Variants in RYR3 observed in about 807,000 individuals in gnomAD.
The protein encoded by RYR3 is ryanodine receptor 3.
In RYR3, 207 loss-of-function variants were observed where a neutral mutation model predicts 584.3. The ratio of observed to expected loss-of-function variants is 0.35; its 90% confidence interval spans 0.32 to 0.40. The LOEUF (loss-of-function observed/expected upper bound fraction) is 0.40, where lower values mean the gene tolerates loss of function less well. Ranked by LOEUF, RYR3 falls within the 10% of genes least tolerant of loss-of-function variation. The pLI, the probability that RYR3 is intolerant of heterozygous loss-of-function variation, is 1.00. For synonymous variants in RYR3, 2,416 were observed against 2,248.5 expected, an observed-to-expected ratio of 1.07 and a Z score of -2.11; for missense variants, 5,616 against 6,089.2, an observed-to-expected ratio of 0.92 and a Z score of 2.59.
Position 33,840,569 on chromosome 15 carries a change from A to C in RYR3, c.12979-256A>C, listed in dbSNP as rs2078295028. The stretch of plus-strand genomic sequence containing the variant: ...CGCCTTGAGGCTCTTACAATGTCCT[A>C]ACACAAGTTTCCTCTTTGAATTGAG... On this transcript the variant is annotated intron_variant, in intron 89 of 103. Coordinates refer to ENST00000634891, the MANE Select transcript of RYR3 (RefSeq NM_001036.6). 5.6e-6 allele frequency: 3 copies of C among 538,058 alleles called. No individual in the cohort carries two copies. The African/African-American group carries it at 5.8e-5, about 10-fold the overall frequency. The allele number at this position is 538,058 out of a possible 1,614,324, so 33.3% of individuals were successfully genotyped here. A position where few individuals can be genotyped will look rare whatever the true frequency, so the allele number is the denominator to read the frequency against.
chr15:33,398,037 A>T (rs570273689), intron 1 of RYR3, among the ~76,000 whole-genome samples: 1 of 152,242 alleles, frequency 6.6e-6, no homozygotes, highest in Non-Finnish European at 1.5e-5. Context: ...TGCCAAATAT[A>T]AAATCTATGT....
intron 5 of RYR3, among the ~76,000 whole-genome samples, chr15:33,534,501 A>G (rs2055159650): frequency 6.6e-6 from 1 of 152,236 alleles, no homozygotes; most frequent in Non-Finnish European, 1.5e-5. Flanking sequence ...TACTTTGGGA[A>G]CCAATGGATT....
chr15:33,797,485 G>A (rs73383337), intron 67 of RYR3, among the ~76,000 whole-genome samples: 2,427 of 152,174 alleles, frequency 0.016, 70 homozygotes, highest in African/African-American at 0.054. Flanking sequence ...CTTGACTTGT[G>A]TGCCTAGGGG....
chr15:33,373,277 C>T (rs2040478988), intron 1 of RYR3, among the ~76,000 whole-genome samples: 1 of 152,156 alleles, frequency 6.6e-6, no homozygotes, highest in Non-Finnish European at 1.5e-5. Context: ...TTCCTCTTCC[C>T]TTTTCTACCA....
At position 33,857,886 on chromosome 15, in the gene RYR3, C is replaced by T. The variant is rs769101674; in HGVS notation, c.14114C>T (p.Pro4705Leu). The T allele has an allele frequency of 1.2e-6, 2 of 1,614,008 alleles. No homozygotes were observed. Among genetic ancestry groups the T allele is most frequent in the South Asian group, 1.1e-5 (1 of 91,080 alleles). The change falls in exon 99 of 104, where the codon CCC (proline) becomes CTC (leucine). Residue 4705 changes from proline to leucine, a missense_variant. Physicochemically the swap from Pro to Leu is moderately conservative, Grantham distance 98. Around this residue, in one of 9 missense-constraint regions of RYR3, gnomAD observed 918 missense variants for 887.4 expected, o/e 1.03. Transcript: ENST00000634891. ...AACAAAAGCGAAGACGATGACGAGC[C>T]CGATATGAAGTGCGACGACATGATG... is the stretch of plus-strand genomic sequence containing the variant. ...FYNKSEDDDEPDMKCDDMMTC... is the reference protein window; with the variant it reads ...FYNKSEDDDELDMKCDDMMTC...
At chr15:33,430,424 T>C (rs1010138330) in intron 1 of RYR3, among the ~76,000 whole-genome samples, 4 of 152,166 alleles carry the variant, frequency 2.6e-5, no homozygotes, top group African/African-American at 9.7e-5. Context: ...AATTTGAAGA[T>C]TTTCTGATTT....
chr15:33,677,163 G>C (rs570370242), intron 38 of RYR3, among the ~76,000 whole-genome samples: 1 of 152,054 alleles, frequency 6.6e-6, no homozygotes, highest in Non-Finnish European at 1.5e-5. Context: ...ATTGCATTCC[G>C]TATCCCGGAC....
chr15:33,669,354 A>G lies in RYR3; in HGVS notation c.5620A>G (p.Ile1874Val), dbSNP rs568206904. 1.9e-6 allele frequency: 3 copies of G among 1,613,714 alleles called. No homozygotes were observed. In the African/African-American group the frequency reaches 4.0e-5, roughly 22 times the overall value. ...KEFRSPPQEQINMLLNFQLGE... is the reference protein window; with the variant it reads ...KEFRSPPQEQVNMLLNFQLGE... The stretch of plus-strand genomic sequence containing the variant: ...GCTATTCTTCTCTTGCCTCTCAAAG[A>G]TCAACATGCTGCTTAACTTTCAACT... Residue 1874 changes from isoleucine (I) to valine (V), a missense_variant and splice_region_variant, in exon 37 of 104, where the codon ATC (isoleucine) becomes GTC (valine). By Grantham distance (29) the Ile-to-Val change is conservative (BLOSUM62 3). Around this residue, in one of 9 missense-constraint regions of RYR3, gnomAD observed 1,280 missense variants for 1,426.2 expected, o/e 0.90. Coordinates refer to ENST00000634891, the MANE Select transcript of RYR3 (RefSeq NM_001036.6).
chr15:33,460,365 A>G (rs2047916227), intron 1 of RYR3, among the ~76,000 whole-genome samples: 2 of 152,344 alleles, frequency 1.3e-5, no homozygotes, highest in East Asian at 1.9e-4. Context: ...AGTGATGGAC[A>G]TATTGCAACT....
At chr15:33,801,263 T>C (rs1272183600) in intron 68 of RYR3, among the ~76,000 whole-genome samples, 2 of 152,204 alleles carry the variant, frequency 1.3e-5, no homozygotes, top group South Asian at 4.1e-4. Flanking sequence ...AAACGGTGTC[T>C]GAGTTAAGAC....
intron 27 of RYR3, 55 bp from the exon 28 acceptor site, chr15:33,644,256 A>G (rs1230368333): frequency 7.0e-7 from 1 of 1,427,028 alleles, no homozygotes. Context: ...GCTGCCTCGG[A>G]GTTTCCTGGG....
intron 2 of RYR3, among the ~76,000 whole-genome samples, chr15:33,481,701 G>C (rs2442461): frequency 0.49 from 73,847 of 151,222 alleles, 18,471 homozygotes; most frequent in Non-Finnish European, 0.54. Flanking sequence ...AGGCTGGTCT[G>C]GAACTCCTGA....
At chr15:33,752,778 G>A (rs1848587193) in intron 57 of RYR3, among the ~76,000 whole-genome samples, 1 of 152,210 alleles carries the variant, frequency 6.6e-6, no homozygotes, top group Non-Finnish European at 1.5e-5. Context: ...TTGAATAGGA[G>A]TGGTGAGAGA....
At chr15:33,495,145 A>G (rs1413727834) in intron 2 of RYR3, among the ~76,000 whole-genome samples, 1 of 152,194 alleles carries the variant, frequency 6.6e-6, no homozygotes, top group African/African-American at 2.4e-5. Context: ...ACTTCAGTCC[A>G]TAGTCTTTAC....
At position 33,738,574 on chromosome 15, in the gene RYR3, A is replaced by G. The variant is rs1405552812; in HGVS notation, c.7640A>G (p.Asp2547Gly). 6.2e-7 allele frequency: 1 copy of G among 1,613,826 alleles called. No individual in the cohort carries two copies. The highest frequency in any genetic ancestry group is 1.7e-5 in the Admixed American group (1 of 59,998). Reference sequence around the variant, plus strand: ...GAGAAGCTTTTCTGGGGGATTTTTGACTCGCTCTCCCATAAGGTAATGACA... The same window carrying G: ...GAGAAGCTTTTCTGGGGGATTTTTGGCTCGCTCTCCCATAAGGTAATGACA... Reference protein sequence around the residue: ...LTEKLFWGIFDSLSHKKYDPD... With the variant: ...LTEKLFWGIFGSLSHKKYDPD... Residue 2547 changes from aspartate (D) to glycine (G), a missense_variant, in exon 50 of 104, where the codon GAC becomes GGC. Transcript: ENST00000634891.
At chr15:33,428,450 TATCTC>T (rs1212047091) in intron 1 of RYR3, among the ~76,000 whole-genome samples, 2 of 152,226 alleles carry the variant, frequency 1.3e-5, no homozygotes, top group Admixed American at 1.3e-4. Context: ...CTCACCCAGA[TATCTC>T]AGATAAACAA....
At chr15:33,685,549 C>A (rs1287965838) in intron 38 of RYR3, among the ~76,000 whole-genome samples, 1 of 152,148 alleles carries the variant, frequency 6.6e-6, no homozygotes, top group East Asian at 1.9e-4. Context: ...AGAAAGTTAA[C>A]AAGGATATCC....
At chr15:33,806,758 C>CTTT (rs10713428) in intron 69 of RYR3, among the ~76,000 whole-genome samples, 1 of 143,244 alleles carries the variant, frequency 7.0e-6, no homozygotes, top group East Asian at 2.0e-4. Context: ...TTCTTTTTTC[C>CTTT]TTTTTTTTTT....
intron 26 of RYR3, 140 bp downstream of exon 26, chr15:33,635,959 G>A (rs1338727380): frequency 9.9e-6 from 7 of 707,034 alleles, no homozygotes; most frequent in East Asian, 2.7e-5. Flanking sequence ...CATTGAATGG[G>A]CATCTCCTAG....
Sources: gnomAD v4.1 joint callset for allele counts (sites outside exome capture counted in the v4.1 genomes callset) on GRCh38, gnomAD v4.1.1 for gene constraint, gnomAD v4.1.1 regional missense constraint, MANE v1.5 for transcripts, NCBI Gene and HGNC (gene_info 2026-07-23, HGNC 2026-07-21) for gene names.